RIDA: variants seen among roughly 807,000 people sequenced by gnomAD.
The protein encoded by RIDA is reactive intermediate imine deaminase A, also known as 2-iminobutanoate/2-iminopropanoate deaminase.
A neutral mutation model predicts 17.8 loss-of-function variants in RIDA; 17 were observed. The ratio of observed to expected loss-of-function variants is 0.96; its 90% confidence interval spans 0.65 to 1.43. The LOEUF (loss-of-function observed/expected upper bound fraction) is 1.43, where lower values mean the gene tolerates loss of function less well. RIDA is among the 40% of genes most tolerant of loss of function. The pLI is 0.00. For synonymous variants in RIDA, 48 were observed against 55.7 expected (o/e 0.86, Z 0.62); for missense variants, 158 against 161.7 (o/e 0.98, Z 0.12).
intron 1 of RIDA, 115 bp from the exon 2 acceptor site, chr8:98,108,866 A>C: frequency 3.2e-6 from 2 of 622,272 alleles, no homozygotes; most frequent in Non-Finnish European, 5.7e-6. Flanking sequence ...AAAAACAGAT[A>C]CATTGGACTT....
At chr8:98,116,966 G>T in intron 1 of RIDA, 66 bp downstream of exon 1, 1 of 1,333,468 alleles carries the variant, frequency 7.5e-7, no homozygotes, top group Non-Finnish European at 1.1e-6. Flanking sequence ...GCCCGGAGTG[G>T]CCCCAACCCC....
intron 1 of RIDA, among the ~76,000 whole-genome samples, chr8:98,111,492 G>C (rs1316775019): frequency 6.6e-6 from 1 of 151,918 alleles, no homozygotes; most frequent in Non-Finnish European, 1.5e-5. Context: ...TGTAATTCCA[G>C]CTACTTGGGA....
In RIDA at chr8:98,102,658, G is replaced by T; in HGVS notation, c.*184C>A. ...ACAGGTGTAATTTAAAAAAGTAACTGGATTCCTTCTCTAATATTCATGTTC... is the reference window on the plus strand; with the variant it reads ...ACAGGTGTAATTTAAAAAAGTAACTTGATTCCTTCTCTAATATTCATGTTC... On this transcript the variant is annotated 3_prime_UTR_variant, in exon 6 of 6. Transcript: ENST00000254878. 3 of 463,784 alleles carry T rather than the reference G, an allele frequency of 6.5e-6. No homozygotes were observed. Among genetic ancestry groups the T allele is most frequent in the Non-Finnish European group, 1.1e-5 (3 of 261,644 alleles). The allele number at this position is 463,784 out of a possible 1,614,324, so 28.7% of individuals were successfully genotyped here.
Position 98,104,564 on chromosome 8 carries a change from A to AT in RIDA, c.296-21dup, listed in dbSNP as rs780684980. ...TGAAATCTGAATTTAAAAGAATTTC[A>AT]TTTTTTTAATAGAGAAGAGTTGAAA... On this transcript the variant is annotated intron_variant, in intron 4 of 5. Transcript: ENST00000254878. 8.5e-6 allele frequency: 12 copies of AT among 1,414,514 alleles called. No individual in the cohort carries two copies. In the Admixed American group the frequency reaches 1.2e-4, roughly 15 times the overall value. The allele number at this position is 1,414,514 out of a possible 1,614,324, so 87.6% of individuals were successfully genotyped here.
chr8:98,108,688 A>T lies in RIDA; in HGVS notation c.129T>A (p.Ser43Arg). 6.2e-7 allele frequency: 1 copy of T among 1,613,878 alleles called. No individual in the cohort carries two copies. Among genetic ancestry groups the T allele is most frequent in the Non-Finnish European group, 8.5e-7 (1 of 1,179,764 alleles). ...CTACCCCTCCTGACACAAGCTGTCC[A>T]CTTGAAGGGTCCATGCCTATCTGTC... ...ISGQIGMDPS[S>R]GQLVSGGVAE... Residue 43 changes from serine (S) to arginine (R), a missense_variant, in exon 2 of 6, where the codon AGT becomes AGA. Transcript: ENST00000254878.
Position 98,102,910 on chromosome 8 carries a change from A to G in RIDA, c.352-6T>C. 6.2e-7 allele frequency: 1 copy of G among 1,610,144 alleles called. No homozygotes were observed. ...TCAATTTCAATTCGGCTGCCCTGTG[A>G]GGAAAATGAAAGAATTTGTTGTAAT... On this transcript the variant is annotated splice_region_variant and splice_polypyrimidine_tract_variant and intron_variant, in intron 5 of 5. Transcript: ENST00000254878.
At chr8:98,111,905 C>G (rs537329740) in intron 1 of RIDA, among the ~76,000 whole-genome samples, 39 of 152,116 alleles carry the variant, frequency 2.6e-4, no homozygotes, top group African/African-American at 9.2e-4. Flanking sequence ...CAGTTCCCAG[C>G]CCAGAACCAT....
At chr8:98,106,967 T>C (rs1318720752) in intron 2 of RIDA, among the ~76,000 whole-genome samples, 1 of 152,156 alleles carries the variant, frequency 6.6e-6, no homozygotes, top group Non-Finnish European at 1.5e-5. Flanking sequence ...CTCACCCCTC[T>C]CTCCCTCTCC....
intron 1 of RIDA, among the ~76,000 whole-genome samples, chr8:98,114,830 T>G (rs1054588867): frequency 6.6e-6 from 1 of 151,490 alleles, no homozygotes; most frequent in African/African-American, 2.4e-5. Context: ...CTCAAAGGAG[T>G]CAGTCATACA....
chr8:98,113,670 T>C (rs945396929), intron 1 of RIDA: 1 of 152,196 alleles, frequency 6.6e-6, no homozygotes, highest in African/African-American at 2.4e-5. Context: ...ACTGTTATGC[T>C]TTCTTTCCTG....
At chr8:98,110,458 C>T (rs1815710816) in intron 1 of RIDA, among the ~76,000 whole-genome samples, 1 of 152,150 alleles carries the variant, frequency 6.6e-6, no homozygotes, top group Non-Finnish European at 1.5e-5. Context: ...TGGGGTTTTG[C>T]CATGTTGGCC....
In RIDA at chr8:98,106,442, T is replaced by A. The variant is rs1002244119; in HGVS notation, c.172-116A>T. On this transcript the variant is annotated intron_variant, in intron 2 of 5. Transcript: ENST00000254878. The stretch of plus-strand genomic sequence containing the variant: ...TTAAATAGCCTATGTTGCAGAAAAA[T>A]CCTCCCTACTCGCTTACAAGTGTGT... The A allele has an allele frequency of 5.0e-6, 4 of 803,006 alleles. No individual in the cohort carries two copies. The African/African-American group carries it at 6.9e-5, about 14-fold the overall frequency. 49.7% of individuals were successfully genotyped at this position (803,006 alleles called of 1,614,324 possible).
intron 5 of RIDA, among the ~76,000 whole-genome samples, chr8:98,103,504 G>A (rs1815588363): frequency 6.6e-6 from 1 of 152,208 alleles, no homozygotes; most frequent in African/African-American, 2.4e-5. Context: ...TATTTTTCTA[G>A]TGGAAGGCTT....
In RIDA at chr8:98,117,134, A is replaced by T; in HGVS notation, c.-38T>A. ...CCTCTTGCAGCCCCTTCAGGAGAAGAAGCCCCAGCACCAGCCCTGCTGGCT... is the reference window on the plus strand; with the variant it reads ...CCTCTTGCAGCCCCTTCAGGAGAAGTAGCCCCAGCACCAGCCCTGCTGGCT... On this transcript the variant is annotated 5_prime_UTR_variant, in exon 1 of 6. Transcript: ENST00000254878. 1.9e-6 allele frequency: 3 copies of T among 1,594,722 alleles called. No homozygotes were observed. Among genetic ancestry groups the T allele is most frequent in the Non-Finnish European group, 2.6e-6 (3 of 1,162,284 alleles).
intron 1 of RIDA, among the ~76,000 whole-genome samples, chr8:98,116,676 A>T (rs1056566897): frequency 6.7e-6 from 1 of 148,700 alleles, no homozygotes; most frequent in African/African-American, 2.5e-5. Context: ...TACATGTTAA[A>T]GGGGGTGAAT....
intron 2 of RIDA, 67 bp from the exon 3 acceptor site, chr8:98,106,393 T>A: frequency 1.5e-6 from 2 of 1,374,038 alleles, no homozygotes; most frequent in Non-Finnish European, 2.1e-6. Flanking sequence ...TAAATTCAAT[T>A]AATCATCTTT....
At chr8:98,109,153 C>T (rs1815681572) in intron 1 of RIDA, among the ~76,000 whole-genome samples, 1 of 152,084 alleles carries the variant, frequency 6.6e-6, no homozygotes, top group Non-Finnish European at 1.5e-5. Flanking sequence ...ATGAGTATAC[C>T]ACTGCGCTCC....
chr8:98,111,165 T>A (rs1586216667), intron 1 of RIDA, among the ~76,000 whole-genome samples: 1 of 151,504 alleles, frequency 6.6e-6, no homozygotes, highest in South Asian at 2.1e-4. Context: ...TAGGATAAAA[T>A]CACAGGAAAA....
At chr8:98,104,267 G>C (rs1422867380) in intron 5 of RIDA, among the ~76,000 whole-genome samples, 1 of 151,774 alleles carries the variant, frequency 6.6e-6, no homozygotes, top group African/African-American at 2.4e-5. Flanking sequence ...AATTGTTTTT[G>C]TAGGGATGGC....
Sources: gnomAD v4.1 joint callset for allele counts (sites outside exome capture counted in the v4.1 genomes callset) on GRCh38, gnomAD v4.1.1 for gene constraint, MANE v1.5 for transcripts, NCBI Gene and HGNC (gene_info 2026-07-23, HGNC 2026-07-21) for gene names.